The following SHQ1 variants were observed in gnomAD, a reference collection of about 807,000 sequenced individuals.
The protein encoded by SHQ1 is SHQ1, H/ACA ribonucleoprotein assembly factor, also known as protein SHQ1 homolog.
In SHQ1, 49 loss-of-function variants were observed where a neutral mutation model predicts 53.8. That is an observed-to-expected ratio of 0.91 (90% CI 0.72 to 1.16). SHQ1 has a LOEUF of 1.16. Among genes scored for constraint, SHQ1 ranks in the 50% most tolerant of loss-of-function variants. The pLI is 0.00. For missense variants in SHQ1, 738 were observed against 683.1 expected, an observed-to-expected ratio of 1.08 and a Z score of -0.90; for synonymous variants, 243 against 251.0, an observed-to-expected ratio of 0.97 and a Z score of 0.30.
intron 10 of SHQ1, among the ~76,000 whole-genome samples, chr3:72,764,647 A>G (rs146739307): frequency 3.4e-4 from 52 of 152,340 alleles, no homozygotes; most frequent in Non-Finnish European, 5.9e-4. Context: ...CTGAAAGCAT[A>G]ACCCTGGACC....
chr3:72,781,800 G>GT (rs1360176998), intron 10 of SHQ1, among the ~76,000 whole-genome samples: 1 of 152,002 alleles, frequency 6.6e-6, no homozygotes, highest in Non-Finnish European at 1.5e-5. Context: ...AAAAGGTATG[G>GT]TAAGTAGCCA....
intron 10 of SHQ1, among the ~76,000 whole-genome samples, chr3:72,763,156 T>A (rs894415307): frequency 6.6e-6 from 1 of 151,692 alleles, no homozygotes; most frequent in Non-Finnish European, 1.5e-5. Flanking sequence ...TCTGGTTAAG[T>A]AAAAAACACC....
intron 10 of SHQ1, among the ~76,000 whole-genome samples, chr3:72,778,548 C>T (rs1420892972): frequency 6.6e-6 from 1 of 152,114 alleles, no homozygotes; most frequent in African/African-American, 2.4e-5. Flanking sequence ...TAATTGTATA[C>T]ACTTAATTTG....
chr3:72,766,988 T>C (rs926550313), intron 10 of SHQ1, among the ~76,000 whole-genome samples: 4 of 152,130 alleles, frequency 2.6e-5, no homozygotes, highest in African/African-American at 9.7e-5. Flanking sequence ...TAAATGAAAA[T>C]AGCCACATGT....
intron 5 of SHQ1, among the ~76,000 whole-genome samples, chr3:72,828,094 A>G (rs1707716343): frequency 6.6e-6 from 1 of 152,078 alleles, no homozygotes; most frequent in Non-Finnish European, 1.5e-5. Context: ...ACAAGCATTC[A>G]CTGAATGCCC....
At chr3:72,727,856 C>T in the SHQ1 span, among the ~76,000 whole-genome samples, 17 of 152,274 alleles carry the variant, frequency 1.1e-4, no homozygotes, top group South Asian at 1.9e-3. Context: ...GCAACCAACA[C>T]GGCTCATCAG....
chr3:72,764,624 T>C (rs1212123455), intron 10 of SHQ1, among the ~76,000 whole-genome samples: 1 of 152,212 alleles, frequency 6.6e-6, no homozygotes, highest in Non-Finnish European at 1.5e-5. Context: ...CTTTCTTTGA[T>C]AAAGCCTTGC....
intron 9 of SHQ1, among the ~76,000 whole-genome samples, chr3:72,809,355 A>G (rs1337540638): frequency 6.6e-6 from 1 of 152,174 alleles, no homozygotes; most frequent in Non-Finnish European, 1.5e-5. Flanking sequence ...TTTAAAATCT[A>G]AAGTGATAGA....
At chr3:72,770,261 CAG>C (rs1170321575) in intron 10 of SHQ1, among the ~76,000 whole-genome samples, 4 of 152,210 alleles carry the variant, frequency 2.6e-5, no homozygotes, top group African/African-American at 9.6e-5. Flanking sequence ...AGCAGAAGCA[CAG>C]AGAGTTTAAA....
chr3:72,821,502 A>T (rs546190198), intron 6 of SHQ1, among the ~76,000 whole-genome samples: 1 of 152,332 alleles, frequency 6.6e-6, no homozygotes, highest in East Asian at 1.9e-4. Context: ...GATGAAAACG[A>T]CAAGAATTAC....
Position 72,750,425 on chromosome 3 carries a change from A to G in SHQ1, c.1593T>C (p.Pro531=). Residue 531 remains proline (P), a synonymous_variant, in exon 11 of 11, where the codon CCT becomes CCC. Transcript: ENST00000325599. ...SQGKPLASSW[P]LGVSGPLIEE... is the part of the protein sequence containing the mutation. The stretch of plus-strand genomic sequence containing the variant: ...CTATCAGAGGCCCAGACACTCCAAG[A>G]GGCCAGGAAGAGGCAAGTGGCTTTC... 1 of 1,614,184 alleles carries G rather than the reference A, an allele frequency of 6.2e-7. No homozygotes were observed. The highest frequency in any genetic ancestry group is 8.5e-7 in the Non-Finnish European group (1 of 1,180,030).
At chr3:72,734,436 A>C in the SHQ1 span, among the ~76,000 whole-genome samples, 1 of 150,834 alleles carries the variant, frequency 6.6e-6, no homozygotes, top group African/African-American at 2.5e-5. Flanking sequence ...TTGTATTTTT[A>C]GTAGAGACAG....
chr3:72,775,459 CT>C (rs202198673), intron 10 of SHQ1, among the ~76,000 whole-genome samples: 3,967 of 119,578 alleles, frequency 0.033, 53 homozygotes, highest in South Asian at 0.052. Flanking sequence ...GACACAATGG[CT>C]TTTTTTTTTT....
intron 10 of SHQ1, among the ~76,000 whole-genome samples, chr3:72,756,979 T>C (rs1366530754): frequency 6.6e-6 from 1 of 152,204 alleles, no homozygotes; most frequent in Non-Finnish European, 1.5e-5. Context: ...CTCCGCAGCC[T>C]TATGAAGCAA....
chr3:72,797,042 G>A (rs992445209), intron 9 of SHQ1, among the ~76,000 whole-genome samples: 1 of 151,594 alleles, frequency 6.6e-6, no homozygotes, highest in Admixed American at 6.6e-5. Flanking sequence ...CAGATCACCT[G>A]AAGTCAGGAG....
chr3:72,841,325 T>A, intron 3 of SHQ1, 126 bp from the exon 4 acceptor site: 1 of 635,064 alleles, frequency 1.6e-6, no homozygotes, highest in South Asian at 3.0e-5. Context: ...ACTAAAAGAA[T>A]ATTCATAGCT....
At chr3:72,744,388 T>TG (rs1288664196), downstream of SHQ1, among the ~76,000 whole-genome samples, 1 of 152,240 alleles carries the variant, frequency 6.6e-6, no homozygotes. Context: ...TAAATCCTGT[T>TG]GTTTTCTTCC....
intron 3 of SHQ1, 31 bp downstream of exon 3, chr3:72,842,249 C>T: frequency 1.2e-6 from 2 of 1,606,558 alleles, no homozygotes; most frequent in Non-Finnish European, 1.7e-6. Context: ...TTCTATTTAT[C>T]CTAATTTCCT....
At chr3:72,752,196 A>G (rs1019156386) in intron 10 of SHQ1, among the ~76,000 whole-genome samples, 4 of 152,348 alleles carry the variant, frequency 2.6e-5, no homozygotes, top group African/African-American at 4.8e-5. Context: ...TTAGCAACAC[A>G]AAAGGCTCAC....
Sources: allele counts gnomAD v4.1 joint callset (sites outside exome capture counted in the v4.1 genomes callset), GRCh38; gene constraint gnomAD v4.1.1; transcripts MANE v1.5; gene names NCBI Gene and HGNC (gene_info 2026-07-23, HGNC 2026-07-21).